The following ANK3 variants were observed in gnomAD, a reference collection of about 807,000 sequenced individuals.
ANK3 encodes the protein ankyrin-3.
Under a neutral mutation model 370.9 loss-of-function variants are expected in ANK3, and 57 were observed. The ratio of observed to expected loss-of-function variants is 0.15; its 90% confidence interval spans 0.12 to 0.19. ANK3 has a LOEUF of 0.19. ANK3 is among the 10% of genes least tolerant of loss of function. The pLI is 1.00. For synonymous variants in ANK3, 1,929 were observed against 1,946.3 expected, an observed-to-expected ratio of 0.99 and a Z score of 0.23; for missense variants, 4,439 against 5,302.1, an observed-to-expected ratio of 0.84 and a Z score of 5.06.
intron 1 of ANK3, among the ~76,000 whole-genome samples, chr10:60,373,828 A>ACT (rs1243400867): frequency 1.3e-5 from 2 of 151,960 alleles, no homozygotes; most frequent in Non-Finnish European, 2.9e-5. Context: ...ATCCTGGGAA[A>ACT]CCTTTCAGTC....
intron 2 of ANK3, among the ~76,000 whole-genome samples, chr10:60,549,595 CA>C (rs1367430264): frequency 5.2e-4 from 79 of 152,032 alleles, no homozygotes; most frequent in Non-Finnish European, 2.2e-4. Context: ...ATTCCAGACA[CA>C]AAAAACATGA....
intron 28 of ANK3, among the ~76,000 whole-genome samples, chr10:60,103,571 G>A (rs541891326): frequency 3.2e-4 from 49 of 152,154 alleles, no homozygotes; most frequent in African/African-American, 9.4e-4. Context: ...AAAGAGTGGC[G>A]AGAAGGGTTC....
intron 5 of ANK3, among the ~76,000 whole-genome samples, 176 bp from the exon 6 acceptor site, chr10:60,264,196 T>C (rs920129575): frequency 1.2e-4 from 18 of 152,192 alleles, no homozygotes; most frequent in African/African-American, 4.1e-4. Flanking sequence ...AAAATTTATC[T>C]ATACAAAGTA....
intron 16 of ANK3, among the ~76,000 whole-genome samples, chr10:60,194,612 C>T (rs1436917874): frequency 1.3e-5 from 2 of 152,132 alleles, no homozygotes; most frequent in Non-Finnish European, 2.9e-5. Flanking sequence ...AAATAATATT[C>T]CTTTGTGTGT....
intron 1 of ANK3, among the ~76,000 whole-genome samples, chr10:60,295,685 A>T (rs1221816705): frequency 6.6e-6 from 1 of 152,198 alleles, no homozygotes; most frequent in African/African-American, 2.4e-5. Flanking sequence ...ATTATTGAGG[A>T]ACCCCAAAGA....
chr10:60,378,021 T>C (rs1234453337), intron 1 of ANK3, among the ~76,000 whole-genome samples: 1 of 152,198 alleles, frequency 6.6e-6, no homozygotes, highest in Non-Finnish European at 1.5e-5. Flanking sequence ...ATCAATTTTT[T>C]GAGAAATTTA....
intron 1 of ANK3, among the ~76,000 whole-genome samples, chr10:60,323,190 T>G (rs144889638): frequency 2.0e-4 from 30 of 152,242 alleles, no homozygotes; most frequent in African/African-American, 7.0e-4. Flanking sequence ...GAACTCAATC[T>G]CTCTGGGGAA....
At chr10:60,409,392 C>A (rs548229659) in intron 2 of ANK3, among the ~76,000 whole-genome samples, 1 of 151,976 alleles carries the variant, frequency 6.6e-6, no homozygotes, top group Non-Finnish European at 1.5e-5. Context: ...TAGCTCATGG[C>A]GGAGAATATC....
intron 42 of ANK3, chr10:60,044,613 C>T (rs1835683537): frequency 6.6e-6 from 1 of 152,316 alleles, no homozygotes; most frequent in Non-Finnish European, 1.5e-5. Flanking sequence ...TTATAGGATG[C>T]AGTTACACAC....
chr10:60,127,304 T>C (rs943678285), intron 25 of ANK3, among the ~76,000 whole-genome samples: 1 of 152,164 alleles, frequency 6.6e-6, no homozygotes, highest in Non-Finnish European at 1.5e-5. Flanking sequence ...AGGAGGGACT[T>C]ATGCCCCTTC....
chr10:60,716,137 T>G (rs2079784233), intron 1 of ANK3, among the ~76,000 whole-genome samples: 7 of 152,124 alleles, frequency 4.6e-5, no homozygotes, highest in Admixed American at 4.6e-4. Context: ...TGAGAATCAT[T>G]AATACTATCG....
At chr10:60,571,407 G>A (rs1031338618) in intron 2 of ANK3, among the ~76,000 whole-genome samples, 6 of 152,052 alleles carry the variant, frequency 3.9e-5, no homozygotes, top group East Asian at 3.9e-4. Context: ...TATATTCCAC[G>A]AGTAGCTGAA....
chr10:60,570,264 G>A (rs897431763), intron 2 of ANK3, among the ~76,000 whole-genome samples: 4 of 152,158 alleles, frequency 2.6e-5, no homozygotes, highest in Non-Finnish European at 5.9e-5. Context: ...GAGGTTCAAT[G>A]TGGTCAAGAG....
At chr10:60,647,439 C>T (rs1038568274) in intron 1 of ANK3, among the ~76,000 whole-genome samples, 18 of 152,120 alleles carry the variant, frequency 1.2e-4, no homozygotes, top group African/African-American at 2.4e-4. Context: ...TTTTCTTTGA[C>T]AGGTTTTTTA....
chr10:60,078,242 T>A (rs769101262), intron 36 of ANK3, among the ~76,000 whole-genome samples: 37 of 152,332 alleles, frequency 2.4e-4, no homozygotes, highest in Admixed American at 7.8e-4. Flanking sequence ...TCATTTCTAG[T>A]GTACATTTAA....
chr10:60,347,809 C>A (rs189906519), intron 1 of ANK3, among the ~76,000 whole-genome samples: 1 of 152,172 alleles, frequency 6.6e-6, no homozygotes, highest in Non-Finnish European at 1.5e-5. Flanking sequence ...GACTCACCCC[C>A]TGAGAATTTA....
intron 2 of ANK3, among the ~76,000 whole-genome samples, chr10:60,579,355 T>C (rs1345706543): frequency 6.8e-6 from 1 of 147,020 alleles, no homozygotes; most frequent in East Asian, 2.0e-4. Context: ...AAAAAAGATA[T>C]TTCTAGTTGC....
chr10:60,683,675 CTCCTTTCTTCAGTT>C (rs2079226984), intron 1 of ANK3, among the ~76,000 whole-genome samples: 1 of 152,342 alleles, frequency 6.6e-6, no homozygotes, highest in African/African-American at 2.4e-5. Flanking sequence ...CTCCCTTACA[CTCCTTTCTTCAGTT>C]TCCTTTCTTC....
At chr10:60,146,448 C>T (rs1472563925) in intron 23 of ANK3, among the ~76,000 whole-genome samples, 1 of 152,196 alleles carries the variant, frequency 6.6e-6, no homozygotes, top group Non-Finnish European at 1.5e-5. Context: ...CCTCACCTTT[C>T]TCCCACCCTC....
Sources: gnomAD v4.1 joint callset for allele counts (sites outside exome capture counted in the v4.1 genomes callset) on GRCh38, gnomAD v4.1.1 for gene constraint, MANE v1.5 for transcripts, NCBI Gene and HGNC (gene_info 2026-07-23, HGNC 2026-07-21) for gene names.